The following RUNX1 variants were observed in gnomAD, a reference collection of about 807,000 sequenced individuals.
RUNX1 encodes the protein runt-related transcription factor 1.
Under a neutral mutation model 42.8 loss-of-function variants are expected in RUNX1, and 19 were observed. The observed-to-expected ratio is 0.44, with a 90% CI of 0.31 to 0.65. RUNX1 has a LOEUF of 0.65. RUNX1 is among the 30% of genes least tolerant of loss of function. The pLI is 0.07. For missense variants in RUNX1, 528 were observed against 672.0 expected, an observed-to-expected ratio of 0.79 and a Z score of 2.37; for synonymous variants, 271 against 289.4, an observed-to-expected ratio of 0.94 and a Z score of 0.64.
intron 4 of RUNX1, among the ~76,000 whole-genome samples, chr21:34,885,244 C>G (rs1316419426): frequency 6.6e-6 from 1 of 152,130 alleles, no homozygotes; most frequent in East Asian, 1.9e-4. Context: ...TGGTGGTTAT[C>G]AGCCCGTCTT....
At chr21:34,811,294 G>T (rs1038769822) in intron 7 of RUNX1, among the ~76,000 whole-genome samples, 2 of 152,222 alleles carry the variant, frequency 1.3e-5, no homozygotes, top group Admixed American at 6.5e-5. Flanking sequence ...TCAAAGGGCT[G>T]CTTCTGTGCT....
At chr21:34,827,447 G>A (rs1377724287) in intron 7 of RUNX1, among the ~76,000 whole-genome samples, 1 of 152,228 alleles carries the variant, frequency 6.6e-6, no homozygotes, top group Non-Finnish European at 1.5e-5. Context: ...AGTACTAAGG[G>A]TGTGGCCAAG....
chr21:34,967,190 G>T (rs2058725467), intron 2 of RUNX1, among the ~76,000 whole-genome samples: 1 of 151,096 alleles, frequency 6.6e-6, no homozygotes, highest in Non-Finnish European at 1.5e-5. Flanking sequence ...CATGGTGGCA[G>T]GCGCCTGTAA....
chr21:34,904,316 TTAAAC>T (rs958542317), intron 2 of RUNX1, among the ~76,000 whole-genome samples: 3 of 152,144 alleles, frequency 2.0e-5, no homozygotes, highest in African/African-American at 7.2e-5. Flanking sequence ...TTTAATAAAA[TTAAAC>T]TAAAACATCT....
chr21:34,952,349 C>T (rs2058614739), intron 2 of RUNX1, among the ~76,000 whole-genome samples: 1 of 152,112 alleles, frequency 6.6e-6, no homozygotes. Context: ...ACTGCACATT[C>T]TGCACATGTA....
intron 2 of RUNX1, among the ~76,000 whole-genome samples, chr21:34,953,961 T>G (rs1392026141): frequency 2.0e-5 from 3 of 152,200 alleles, no homozygotes; most frequent in Non-Finnish European, 4.4e-5. Context: ...TGAGCTTAAG[T>G]GATGGCAAGT....
At position 34,787,825 on chromosome 21, in the gene RUNX1, GTTTA is replaced by G. The variant is rs918119486; in HGVS notation, c.*4306_*4309del. ...ATATGGTGTATGTACTTGTCAAACT[GTTTA>G]TTTGCCATTCACACTGATTGTAACA... On this transcript the variant is annotated 3_prime_UTR_variant, in exon 9 of 9. Transcript: ENST00000675419. The G allele has an allele frequency of 4.3e-6, 1 of 232,392 alleles. No homozygotes were observed. The highest frequency in any genetic ancestry group is 8.5e-6 in the Non-Finnish European group (1 of 117,600). The allele number at this position is 232,392 out of a possible 1,614,324, so 14.4% of individuals were successfully genotyped here. A position where few individuals can be genotyped will look rare whatever the true frequency, so the allele number is the denominator to read the frequency against.
chr21:34,934,923 T>C (rs955666101), intron 2 of RUNX1, among the ~76,000 whole-genome samples: 47 of 152,250 alleles, frequency 3.1e-4, no homozygotes, highest in African/African-American at 1.1e-3. Flanking sequence ...CCTTCATTTT[T>C]CCCCTTTTTC....
chr21:34,941,625 C>T (rs1210007680), intron 2 of RUNX1, among the ~76,000 whole-genome samples: 1 of 152,168 alleles, frequency 6.6e-6, no homozygotes, highest in Non-Finnish European at 1.5e-5. Context: ...CTAAAGAACT[C>T]ACTTAAATGT....
At chr21:34,817,978 A>G (rs2056852564) in intron 7 of RUNX1, among the ~76,000 whole-genome samples, 1 of 152,232 alleles carries the variant, frequency 6.6e-6, no homozygotes, top group Non-Finnish European at 1.5e-5. Context: ...GGGGACAGGA[A>G]GGCTGAACCA....
At chr21:34,969,388 G>C (rs2834705) in intron 2 of RUNX1, among the ~76,000 whole-genome samples, 49,115 of 151,582 alleles carry the variant, frequency 0.32, 8,065 homozygotes, top group East Asian at 0.38. Flanking sequence ...TCTCCTGCAG[G>C]GGCCAACAGA....
At position 34,856,694 on chromosome 21, in the gene RUNX1, A is replaced by G. The variant is rs140213245; in HGVS notation, c.613+2780T>C. On this transcript the variant is annotated intron_variant, in intron 6 of 8. Coordinates refer to ENST00000675419, the MANE Select transcript of RUNX1 (RefSeq NM_001754.5). Reference sequence around the variant, plus strand: ...TCTTCTCAGGCCCCTCCTAGCTCTCATTGTCTTTGATTTTATGAAACTAGA... The same window carrying G: ...TCTTCTCAGGCCCCTCCTAGCTCTCGTTGTCTTTGATTTTATGAAACTAGA... Among the ~76,000 whole-genome samples the G allele has an allele frequency of 3.8e-3, 578 of 152,186 alleles. 10 individuals are homozygous for G. Among genetic ancestry groups the G allele is most frequent in the Admixed American group, 0.03 (460 of 15,298 alleles).
intron 2 of RUNX1, among the ~76,000 whole-genome samples, chr21:35,044,183 C>T (rs982277858): frequency 3.3e-5 from 5 of 152,150 alleles, no homozygotes; most frequent in African/African-American, 1.2e-4. Flanking sequence ...CTGTCCATGC[C>T]CATGTGGGAT....
intron 7 of RUNX1, among the ~76,000 whole-genome samples, chr21:34,825,002 ACTT>A (rs2056966889): frequency 6.6e-6 from 1 of 152,216 alleles, no homozygotes; most frequent in South Asian, 2.1e-4. Context: ...CTTTGATACT[ACTT>A]CATGACTACA....
intron 4 of RUNX1, among the ~76,000 whole-genome samples, chr21:34,882,322 G>C (rs1305416791): frequency 6.6e-6 from 1 of 152,164 alleles, no homozygotes; most frequent in Non-Finnish European, 1.5e-5. Flanking sequence ...TTGTGGCACA[G>C]AACACGAACT....
chr21:34,979,888 G>C (rs1166218926), intron 2 of RUNX1, among the ~76,000 whole-genome samples: 2 of 152,068 alleles, frequency 1.3e-5, no homozygotes, highest in Non-Finnish European at 2.9e-5. Context: ...AGGAGTGCTG[G>C]GTCTGCCAGG....
intron 2 of RUNX1, among the ~76,000 whole-genome samples, chr21:34,995,435 C>CTTTTTTTTTT (rs5843694): frequency 2.4e-5 from 2 of 82,074 alleles, no homozygotes; most frequent in Non-Finnish European, 2.2e-5. Context: ...TTTCTGGGAG[C>CTTTTTTTTTT]TTTTTTTTTT....
chr21:34,818,244 A>G (rs938812957), intron 7 of RUNX1, among the ~76,000 whole-genome samples: 1 of 152,236 alleles, frequency 6.6e-6, no homozygotes, highest in South Asian at 2.1e-4. Flanking sequence ...AATTTATCCT[A>G]CAACAGGCCA....
At chr21:34,943,620 A>G (rs1180641475) in intron 2 of RUNX1, among the ~76,000 whole-genome samples, 1 of 152,190 alleles carries the variant, frequency 6.6e-6, no homozygotes, top group Non-Finnish European at 1.5e-5. Flanking sequence ...CAATGATTTT[A>G]CCAGGTGATA....
Sources: allele counts gnomAD v4.1 joint callset (sites outside exome capture counted in the v4.1 genomes callset), GRCh38; gene constraint gnomAD v4.1.1; transcripts MANE v1.5; gene names NCBI Gene and HGNC (gene_info 2026-07-23, HGNC 2026-07-21).